The following MINAR1 variants were observed in gnomAD, a reference collection of about 807,000 sequenced individuals.
MINAR1 encodes membrane integral NOTCH2 associated receptor 1.
In MINAR1, 40 loss-of-function variants were observed where a neutral mutation model predicts 65.1. That is an observed-to-expected ratio of 0.61 (90% CI 0.48 to 0.80). The LOEUF is 0.80. MINAR1 is among the 30% of genes least tolerant of loss of function. The pLI, the probability that MINAR1 is intolerant of heterozygous loss-of-function variation, is 0.00. For missense variants in MINAR1, 1,128 were observed against 1,148.0 expected, an observed-to-expected ratio of 0.98 and a Z score of 0.25; for synonymous variants, 482 against 449.1, an observed-to-expected ratio of 1.07 and a Z score of -0.93.
chr15:79,421,553 T>C, the MINAR1 span: 1 of 152,194 alleles, frequency 6.6e-6, no homozygotes, highest in Non-Finnish European at 1.5e-5. Flanking sequence ...CAAGCTCCAA[T>C]TGAACACCTC....
chr15:79,456,834 C>T lies in MINAR1; in HGVS notation c.687C>T (p.Asp229=). The T allele has an allele frequency of 6.2e-7, 1 of 1,614,208 alleles. No homozygotes were observed. Among genetic ancestry groups the T allele is most frequent in the South Asian group, 1.1e-5 (1 of 91,082 alleles). Residue 229 remains aspartate (D), a synonymous_variant, in exon 2 of 4, where the codon GAC becomes GAT. Coordinates refer to ENST00000305428, the MANE Select transcript of MINAR1 (RefSeq NM_015206.3). ...NIENESISDQ[D]SLPINQSIKE... The stretch of plus-strand genomic sequence containing the variant: ...AAAACGAGTCCATTTCAGACCAGGA[C>T]TCCCTGCCCATCAATCAGAGCATCA...
intron 1 of MINAR1, among the ~76,000 whole-genome samples, chr15:79,451,971 A>G (rs1314404681): frequency 6.6e-6 from 1 of 152,114 alleles, no homozygotes; most frequent in Non-Finnish European, 1.5e-5. Context: ...GAGAGAACAG[A>G]GCTAAGAGAC....
At position 79,456,686 on chromosome 15, in the gene MINAR1, G is replaced by C; in HGVS notation, c.539G>C (p.Gly180Ala). 1 of 1,614,184 alleles carries C rather than the reference G, an allele frequency of 6.2e-7. No homozygotes were observed. The highest frequency in any genetic ancestry group is 8.5e-7 in the Non-Finnish European group (1 of 1,180,038). The change falls in exon 2 of 4, where the codon GGA becomes GCA. Residue 180 changes from glycine to alanine, a missense_variant. Gly to Ala is a moderately conservative substitution (Grantham distance 60). Coordinates refer to ENST00000305428, the MANE Select transcript of MINAR1 (RefSeq NM_015206.3). The stretch of plus-strand genomic sequence containing the variant: ...GCCTCTGAGCCTAACTTCCTGTTGG[G>C]AGTTAGCAAAGAGGTGAAAAACCGC... Reference protein sequence around the residue: ...VPASEPNFLLGVSKEVKNRAA... With the variant: ...VPASEPNFLLAVSKEVKNRAA...
chr15:79,424,148 G>A, the MINAR1 span: 3 of 152,102 alleles, frequency 2.0e-5, no homozygotes, highest in Non-Finnish European at 1.5e-5. Context: ...CATCAATGCC[G>A]ACCCTAAAAA....
At chr15:79,433,246 C>T (rs1189093112) in intron 1 of MINAR1, among the ~76,000 whole-genome samples, 2 of 152,056 alleles carry the variant, frequency 1.3e-5, no homozygotes, top group African/African-American at 4.8e-5. Flanking sequence ...GTCATTTGTC[C>T]CCTCGCCGGC....
rs983381203 is a variant in MINAR1, at chr15:79,470,991, T to C, written c.*2607T>C. On this transcript the variant is annotated 3_prime_UTR_variant, in exon 4 of 4. Coordinates refer to ENST00000305428, the MANE Select transcript of MINAR1 (RefSeq NM_015206.3). Reference sequence around the variant, plus strand: ...ATTGACCCCAAGCTCACCCCAGCCTTCCTTCCCTGACCCTGAGACTCACCC... The same window carrying C: ...ATTGACCCCAAGCTCACCCCAGCCTCCCTTCCCTGACCCTGAGACTCACCC... 6.6e-6 allele frequency: 1 copy of C among 152,218 alleles called. No homozygotes were observed. The highest frequency in any genetic ancestry group is 1.5e-5 in the Non-Finnish European group (1 of 68,076). The allele number at this position is 152,218 out of a possible 1,614,324, so 9.4% of individuals were successfully genotyped here.
chr15:79,447,623 T>C (rs1485823534), intron 1 of MINAR1, among the ~76,000 whole-genome samples: 2 of 152,188 alleles, frequency 1.3e-5, no homozygotes, highest in African/African-American at 4.8e-5. Flanking sequence ...TATGCACCTT[T>C]GATTGTCTTG....
chr15:79,418,503 A>G, the MINAR1 span: 2 of 152,230 alleles, frequency 1.3e-5, no homozygotes, highest in Admixed American at 1.3e-4. Context: ...TAAGCTATTC[A>G]CCCTTGGAAA....
In MINAR1 at chr15:79,457,172, C is replaced by T. The variant is rs377457773; in HGVS notation, c.1025C>T (p.Pro342Leu). The change falls in exon 2 of 4, where the codon CCC (proline) becomes CTC (leucine). Residue 342 changes from proline (P) to leucine (L), a missense_variant. Physicochemically the swap from Pro to Leu is moderately conservative, Grantham distance 98 (BLOSUM62 -3). Transcript: ENST00000305428. Reference protein sequence around the residue: ...DDLQASTYFGPTPVMGTQEAR... With the variant: ...DDLQASTYFGLTPVMGTQEAR... ...CTTCAAGCCTCTACATATTTTGGGC[C>T]CACTCCCGTGATGGGAACCCAAGAA... The T allele has an allele frequency of 5.0e-6, 8 of 1,614,006 alleles. No individual in the cohort carries two copies. The African/African-American group carries it at 1.1e-4, about 22-fold the overall frequency.
At chr15:79,465,356 A>G (rs1418913466) in intron 3 of MINAR1, among the ~76,000 whole-genome samples, 1 of 152,128 alleles carries the variant, frequency 6.6e-6, no homozygotes, top group African/African-American at 2.4e-5. Context: ...GTTGAGATAT[A>G]CATTCACCAT....
upstream of MINAR1, among the ~76,000 whole-genome samples, chr15:79,431,573 A>C (rs1449088779): frequency 6.6e-6 from 1 of 152,090 alleles, no homozygotes. Flanking sequence ...TCTGGATCCC[A>C]ATTAAGCCGA....
At chr15:79,419,508 T>A in the MINAR1 span, 1 of 152,124 alleles carries the variant, frequency 6.6e-6, no homozygotes, top group Non-Finnish European at 1.5e-5. Flanking sequence ...TCTTTTTCTA[T>A]CTAGAAATGA....
At position 79,437,138 on chromosome 15, in the gene MINAR1, A is replaced by C. The variant is rs544972060; in HGVS notation, c.-51+4598A>C. ...ACAAACAAACAAAGATCAACCAGTC[A>C]CTAGGAACTGAAAGCTTTAGCATAT... On this transcript the variant is annotated intron_variant, in intron 1 of 3. Coordinates refer to ENST00000305428, the MANE Select transcript of MINAR1 (RefSeq NM_015206.3). 3.2e-4 allele frequency among the ~76,000 whole-genome samples: 49 copies of C among 152,354 alleles called. 1 individual carries two copies. Among genetic ancestry groups the C allele is most frequent in the African/African-American group, 9.9e-4 (41 of 41,588 alleles).
In MINAR1 at chr15:79,468,760, G is replaced by A. The variant is rs542517222; in HGVS notation, c.*376G>A. On this transcript the variant is annotated 3_prime_UTR_variant, in exon 4 of 4. Coordinates refer to ENST00000305428, the MANE Select transcript of MINAR1 (RefSeq NM_015206.3). Reference sequence around the variant, plus strand: ...GTTATACAGAAGATATTTAATACACGCCTCTTTAGAAGAAACTAAGGGAAA... The same window carrying A: ...GTTATACAGAAGATATTTAATACACACCTCTTTAGAAGAAACTAAGGGAAA... 3.1e-4 allele frequency: 70 copies of A among 223,638 alleles called. No homozygotes were observed. Among genetic ancestry groups the A allele is most frequent in the Admixed American group, 2.9e-3 (56 of 19,222 alleles). 13.9% of individuals were successfully genotyped at this position (223,638 alleles called of 1,614,324 possible). A position where few individuals can be genotyped will look rare whatever the true frequency, so the allele number is the denominator to read the frequency against.
At chr15:79,421,213 A>G in the MINAR1 span, 1 of 152,170 alleles carries the variant, frequency 6.6e-6, no homozygotes, top group Admixed American at 6.5e-5. Context: ...ACATAAAATT[A>G]CTCTGTCAAA....
intron 2 of MINAR1, among the ~76,000 whole-genome samples, chr15:79,462,608 AC>A (rs1211529040): frequency 1.3e-5 from 2 of 152,174 alleles, no homozygotes; most frequent in Non-Finnish European, 2.9e-5. Flanking sequence ...TGAGGAAAGG[AC>A]CCGTATCTTT....
the MINAR1 span, chr15:79,426,409 A>G: frequency 6.6e-6 from 1 of 152,268 alleles, no homozygotes; most frequent in African/African-American, 2.4e-5. Context: ...GCCCGTGCCC[A>G]TGCTGTCAAG....
rs1380842120 is a variant in MINAR1 at position 79,468,635 on chromosome 15, A to G, written c.*251A>G. 2.0e-6 allele frequency: 1 copy of G among 489,492 alleles called. No individual in the cohort carries two copies. Among genetic ancestry groups the G allele is most frequent in the East Asian group, 3.5e-5 (1 of 28,386 alleles). 30.3% of individuals were successfully genotyped at this position (489,492 alleles called of 1,614,324 possible). A position where few individuals can be genotyped will look rare whatever the true frequency, so the allele number is the denominator to read the frequency against. ...CAATATCTTTTCCTACCAAAAGAAC[A>G]TCATGGACTATCAATAAATACAAAT... On this transcript the variant is annotated 3_prime_UTR_variant, in exon 4 of 4. Coordinates refer to ENST00000305428, the MANE Select transcript of MINAR1 (RefSeq NM_015206.3).
chr15:79,466,261 G>T (rs1240363910), intron 3 of MINAR1, among the ~76,000 whole-genome samples: 1 of 152,176 alleles, frequency 6.6e-6, no homozygotes, highest in Non-Finnish European at 1.5e-5. Flanking sequence ...GTGATGCCTA[G>T]ATCCCCTTCT....
Sources: allele counts gnomAD v4.1 joint callset (sites outside exome capture counted in the v4.1 genomes callset), GRCh38; gene constraint gnomAD v4.1.1; transcripts MANE v1.5; gene names NCBI Gene and HGNC (gene_info 2026-07-23, HGNC 2026-07-21).